Variants in PLD5 observed in about 807,000 individuals in gnomAD.
The protein encoded by PLD5 is inactive phospholipase D5.
PLD5 carries 36 observed loss-of-function variants against 61.1 expected under a neutral mutation model. The ratio of observed to expected loss-of-function variants is 0.59; its 90% CI spans 0.45 to 0.78. The LOEUF (loss-of-function observed/expected upper bound fraction) is 0.78, where lower values mean the gene tolerates loss of function less well. Among genes scored for constraint, PLD5 ranks in the 30% least tolerant of loss-of-function variants. The pLI is 0.00. For synonymous variants in PLD5, 243 were observed against 242.8 expected (o/e 1.00, Z -0.01); for missense variants, 515 against 644.4 (o/e 0.80, Z 2.17).
chr1:242,254,347 T>TA (rs201965225), intron 4 of PLD5, among the ~76,000 whole-genome samples: 18,535 of 71,558 alleles, frequency 0.26, 1,244 homozygotes, highest in Non-Finnish European at 0.34. Flanking sequence ...CTCATTTAAC[T>TA]GAAAAAAAAA....
At chr1:242,188,225 A>G (rs1668029521) in intron 5 of PLD5, among the ~76,000 whole-genome samples, 1 of 152,198 alleles carries the variant, frequency 6.6e-6, no homozygotes, top group Admixed American at 6.5e-5. Flanking sequence ...GAGAGAAGTT[A>G]AAGAGTTTTG....
chr1:242,404,343 G>A lies in PLD5; in HGVS notation c.190-56101C>T, dbSNP rs79136757. 6.8e-3 allele frequency among the ~76,000 whole-genome samples: 1,031 copies of A among 152,194 alleles called. 16 individuals are homozygous for A. Among genetic ancestry groups the A allele is most frequent in the African/African-American group, 0.024 (990 of 41,514 alleles). On this transcript the variant is annotated intron_variant, in intron 1 of 9. Transcript: ENST00000536534. ...GATGGGAAGCACTTACCAGGTGGGA[G>A]GATTAACCCATGAGATAACCTGAGA... is the stretch of plus-strand genomic sequence containing the variant.
chr1:242,432,686 T>C (rs1027994930), intron 1 of PLD5, among the ~76,000 whole-genome samples: 6 of 152,078 alleles, frequency 3.9e-5, no homozygotes, highest in Non-Finnish European at 2.9e-5. Context: ...GGCTGTAGAG[T>C]GTTGGAGGTC....
chr1:242,460,379 G>A (rs562571698), intron 1 of PLD5, among the ~76,000 whole-genome samples: 2 of 152,166 alleles, frequency 1.3e-5, no homozygotes, highest in Admixed American at 6.5e-5. Context: ...TCAACCTGCC[G>A]ATCCACCTAG....
intron 1 of PLD5, among the ~76,000 whole-genome samples, chr1:242,429,905 G>T (rs1396947992): frequency 6.6e-6 from 1 of 152,002 alleles, no homozygotes; most frequent in East Asian, 1.9e-4. Flanking sequence ...GGAAAACTCA[G>T]AATTCATTTT....
chr1:242,457,503 G>A (rs1174598866), intron 1 of PLD5, among the ~76,000 whole-genome samples: 2 of 152,154 alleles, frequency 1.3e-5, no homozygotes, highest in African/African-American at 4.8e-5. Flanking sequence ...CTATTTTAAC[G>A]TGGGGAAGAG....
At chr1:242,106,394 G>T (rs1354372692) in intron 8 of PLD5, among the ~76,000 whole-genome samples, 1 of 152,286 alleles carries the variant, frequency 6.6e-6, no homozygotes, top group South Asian at 2.1e-4. Flanking sequence ...GAGAATGAGG[G>T]TTCTCTATGA....
intron 1 of PLD5, among the ~76,000 whole-genome samples, chr1:242,460,038 G>A (rs930557887): frequency 2.6e-5 from 4 of 152,122 alleles, no homozygotes; most frequent in Non-Finnish European, 5.9e-5. Context: ...TGTTACTGCT[G>A]ATTAATATCT....
At chr1:242,197,241 A>T (rs1668690487) in intron 5 of PLD5, among the ~76,000 whole-genome samples, 1 of 152,036 alleles carries the variant, frequency 6.6e-6, no homozygotes. Flanking sequence ...CCTCACCCTG[A>T]CCTATTTCTG....
chr1:242,349,333 CTG>C (rs147092658), intron 1 of PLD5, among the ~76,000 whole-genome samples: 2,247 of 152,274 alleles, frequency 0.015, 23 homozygotes, highest in Middle Eastern at 0.017. Flanking sequence ...GACTTAGAGT[CTG>C]TTCTATCAGC....
At chr1:242,162,221 T>C (rs1437141088) in intron 5 of PLD5, among the ~76,000 whole-genome samples, 1 of 152,170 alleles carries the variant, frequency 6.6e-6, no homozygotes, top group Admixed American at 6.5e-5. Flanking sequence ...CCAGGAACAC[T>C]GGAAGCAGGA....
In PLD5 at chr1:242,431,517, G is replaced by C. The variant is rs1665718815; in HGVS notation, c.190-83275C>G. Among the ~76,000 whole-genome samples, 5 of 152,318 alleles carry C rather than the reference G, an allele frequency of 3.3e-5. No individual in the cohort carries two copies. In the South Asian group the frequency reaches 1.0e-3, roughly 32 times the overall value. On this transcript the variant is annotated intron_variant, in intron 1 of 9. Transcript: ENST00000536534. Reference sequence around the variant, plus strand: ...TCAAACGATAAAATATGTGGTGCATGTGACGCTTGCTCTTGGTACACCATG... The same window carrying C: ...TCAAACGATAAAATATGTGGTGCATCTGACGCTTGCTCTTGGTACACCATG...
chr1:242,466,485 A>T (rs1383894861), intron 1 of PLD5, among the ~76,000 whole-genome samples: 1 of 152,232 alleles, frequency 6.6e-6, no homozygotes, highest in African/African-American at 2.4e-5. Flanking sequence ...ATTCAGCCTT[A>T]AAAAAGAAGG....
chr1:242,271,957 C>T (rs1354745379), intron 3 of PLD5, among the ~76,000 whole-genome samples: 2 of 151,710 alleles, frequency 1.3e-5, no homozygotes, highest in Non-Finnish European at 2.9e-5. Context: ...CGATGACTAA[C>T]ACACAGATAT....
Position 242,165,358 on chromosome 1 carries a change from A to G in PLD5, c.736-40693T>C, listed in dbSNP as rs183903911. On this transcript the variant is annotated intron_variant, in intron 5 of 9. Transcript: ENST00000536534. The stretch of plus-strand genomic sequence containing the variant: ...ATGGGAAATTTAAAAAAGACTGTTC[A>G]CATCCTTAGTCTGATAACTTTCATT... Among the ~76,000 whole-genome samples, 198 of 151,550 alleles carry G rather than the reference A, an allele frequency of 1.3e-3. 1 individual carries two copies. The highest frequency in any genetic ancestry group is 4.6e-3 in the African/African-American group (189 of 40,954).
chr1:242,351,366 T>C (rs1334882561), intron 1 of PLD5, among the ~76,000 whole-genome samples: 1 of 152,190 alleles, frequency 6.6e-6, no homozygotes, highest in African/African-American at 2.4e-5. Flanking sequence ...CCAAATCTCA[T>C]CTTGAATTGT....
chr1:242,302,542 A>AC (rs35533285), intron 2 of PLD5, among the ~76,000 whole-genome samples: 149,745 of 152,184 alleles, frequency 0.98, 73,719 homozygotes, highest in Non-Finnish European at 1. Flanking sequence ...ACACAGCAAG[A>AC]CCTGTCTCTA....
chr1:242,374,402 T>C (rs899356256), intron 1 of PLD5, among the ~76,000 whole-genome samples: 1 of 152,146 alleles, frequency 6.6e-6, no homozygotes, highest in Non-Finnish European at 1.5e-5. Flanking sequence ...GGTTTTCTTG[T>C]GGCTCAGAAA....
chr1:242,516,250 T>TTATATATATATA lies in PLD5; in HGVS notation c.189+7826_189+7837dup, dbSNP rs57043354. ...AAAAATATATTCTTCTAAAGTTAAATTATATATATATATATATATATATAT... is the reference window on the plus strand; with the variant it reads ...AAAAATATATTCTTCTAAAGTTAAATTATATATATATATATATATATATATATATATATATAT... On this transcript the variant is annotated intron_variant, in intron 1 of 9. Transcript: ENST00000536534. Among the ~76,000 whole-genome samples, 307 of 138,536 alleles carry TTATATATATATA rather than the reference T, an allele frequency of 2.2e-3. 5 individuals are homozygous for TTATATATATATA. The highest frequency in any genetic ancestry group is 6.0e-3 in the African/African-American group (220 of 36,726). The allele number at this position is 138,536 out of a possible 152,430, so 90.9% of individuals were successfully genotyped here.
Sources: gnomAD v4.1 joint callset for allele counts (sites outside exome capture counted in the v4.1 genomes callset) on GRCh38, gnomAD v4.1.1 for gene constraint, MANE v1.5 for transcripts, NCBI Gene and HGNC (gene_info 2026-07-23, HGNC 2026-07-21) for gene names.